Variants in CD48 observed in about 807,000 individuals in gnomAD.
CD48 encodes CD48 molecule.
Under a neutral mutation model 22.0 loss-of-function variants are expected in CD48, and 20 were observed. The ratio of observed to expected loss-of-function variants is 0.91; its 90% confidence interval spans 0.64 to 1.32. The LOEUF (loss-of-function observed/expected upper bound fraction) is 1.32, where lower values mean the gene tolerates loss of function less well. CD48 is among the 40% of genes most tolerant of loss of function. The probability of loss-of-function intolerance (pLI) is 0.00; values close to 1 mark genes in which losing one functional copy is unlikely to be tolerated. For missense variants in CD48, 307 were observed against 286.5 expected (o/e 1.07, Z -0.52); for synonymous variants, 110 against 110.1 (o/e 1.00, Z 0.01).
At chr1:160,702,836 C>T (rs35220245) in intron 1 of CD48, among the ~76,000 whole-genome samples, 2,299 of 152,278 alleles carry the variant, frequency 0.015, 28 homozygotes, top group South Asian at 0.035. Flanking sequence ...GGACAGAATG[C>T]ATGGCCATTT....
chr1:160,683,492 A>T (rs1007314942), intron 2 of CD48: 3 of 151,130 alleles, frequency 2.0e-5, no homozygotes, highest in Non-Finnish European at 4.4e-5. Context: ...AGAAATTACA[A>T]AGTTGGTAAA....
chr1:160,685,032 T>C lies in CD48; in HGVS notation c.240A>G (p.Lys80=). ...GATCAAGTCTGACCCTGCCTTTAAA[T>C]TTGGATTCAAAGTACTTAGATTTTC... is the stretch of plus-strand genomic sequence containing the variant. The part of the protein sequence containing the change: ...DSRKSKYFES[K]FKGRVRLDPQ... Residue 80 remains lysine (K), a synonymous_variant, in exon 2 of 4, where the codon AAA becomes AAG. Transcript: ENST00000368046. 2 of 1,614,228 alleles carry C rather than the reference T, an allele frequency of 1.2e-6. No homozygotes were observed. Among genetic ancestry groups the C allele is most frequent in the Non-Finnish European group, 1.7e-6 (2 of 1,180,040 alleles).
chr1:160,681,719 A>G (rs1352285155), intron 2 of CD48, among the ~76,000 whole-genome samples: 2 of 152,150 alleles, frequency 1.3e-5, no homozygotes, highest in African/African-American at 4.8e-5. Flanking sequence ...AGTCCATCAT[A>G]TGCTCTGGGA....
intron 1 of CD48, among the ~76,000 whole-genome samples, chr1:160,698,622 T>TA (rs1269644916): frequency 6.6e-6 from 1 of 152,128 alleles, no homozygotes; most frequent in African/African-American, 2.4e-5. Context: ...CTCATGACCT[T>TA]AGAACATCAT....
intron 1 of CD48, among the ~76,000 whole-genome samples, chr1:160,707,869 T>C (rs962230046): frequency 6.6e-6 from 1 of 152,188 alleles, no homozygotes; most frequent in Non-Finnish European, 1.5e-5. Flanking sequence ...AACTTCCTCA[T>C]GTATTCACTC....
chr1:160,692,113 AAT>A (rs1490272095), intron 1 of CD48: 2 of 154,006 alleles, frequency 1.3e-5, no homozygotes, highest in African/African-American at 4.8e-5. Context: ...TAGGAAGGGT[AAT>A]ATCATTCCAC....
At chr1:160,701,915 G>A (rs1268340784) in intron 1 of CD48, among the ~76,000 whole-genome samples, 1 of 152,166 alleles carries the variant, frequency 6.6e-6, no homozygotes, top group Non-Finnish European at 1.5e-5. Flanking sequence ...GTATGATGCA[G>A]GTGGGCCGTT....
chr1:160,691,349 A>G (rs946746985), intron 1 of CD48, among the ~76,000 whole-genome samples: 10 of 152,216 alleles, frequency 6.6e-5, no homozygotes, highest in Non-Finnish European at 1.0e-4. Context: ...ACCTACTGAG[A>G]TAGGGAGAAA....
chr1:160,687,936 A>G (rs1662061804), intron 1 of CD48, among the ~76,000 whole-genome samples: 1 of 152,160 alleles, frequency 6.6e-6, no homozygotes, highest in East Asian at 1.9e-4. Flanking sequence ...TATCTTCTCT[A>G]CCTAGAAGGT....
At chr1:160,689,637 G>C (rs1282431902) in intron 1 of CD48, among the ~76,000 whole-genome samples, 3 of 152,204 alleles carry the variant, frequency 2.0e-5, no homozygotes, top group Admixed American at 2.0e-4. Flanking sequence ...AGGGAGGATT[G>C]ATTTACACCT....
chr1:160,699,295 A>G (rs1018203525), intron 1 of CD48: 1 of 158,720 alleles, frequency 6.3e-6, no homozygotes, highest in Admixed American at 6.5e-5. Context: ...GCTCATTAAG[A>G]GTCATCACCA....
intron 1 of CD48, chr1:160,691,712 C>T (rs189429038): frequency 1.1e-4 from 34 of 319,312 alleles, no homozygotes; most frequent in East Asian, 1.0e-3. Context: ...TTGCACCTTA[C>T]GAGAAACACC....
rs776310868 is a variant in CD48 at position 160,684,912 on chromosome 1, T to C, written c.360A>G (p.Glu120=). The change falls in exon 2 of 4, where the codon GAA becomes GAG. Residue 120 remains glutamate, a synonymous_variant. Transcript: ENST00000368046. ...RVLKKTGNEQ[E]WKIKLQVLDP... The stretch of plus-strand genomic sequence containing the variant: ...CAAGCACTTGCAGCTTGATCTTCCA[T>C]TCTTGCTCATTCCCAGTCTTTTTCA... 50 of 1,614,040 alleles carry C rather than the reference T, an allele frequency of 3.1e-5. No homozygotes were observed. Among genetic ancestry groups the C allele is most frequent in the East Asian group, 4.5e-5 (2 of 44,890 alleles).
At chr1:160,707,684 G>A (rs944538362) in intron 1 of CD48, among the ~76,000 whole-genome samples, 3 of 152,142 alleles carry the variant, frequency 2.0e-5, no homozygotes, top group Non-Finnish European at 4.4e-5. Flanking sequence ...TTGAGGATAG[G>A]GTGAAAGTTT....
intron 2 of CD48, among the ~76,000 whole-genome samples, chr1:160,683,010 C>T (rs1661863517): frequency 6.6e-6 from 1 of 152,196 alleles, no homozygotes; most frequent in African/African-American, 2.4e-5. Context: ...GAAGCTCTAC[C>T]AATCTGGTCT....
intron 1 of CD48, among the ~76,000 whole-genome samples, chr1:160,704,089 T>G (rs1365544012): frequency 6.6e-6 from 1 of 152,184 alleles, no homozygotes; most frequent in East Asian, 1.9e-4. Flanking sequence ...AGAAGCAAGT[T>G]ATTAGAAGGT....
intron 1 of CD48, among the ~76,000 whole-genome samples, chr1:160,698,707 C>T (rs1376829379): frequency 6.6e-6 from 1 of 152,042 alleles, no homozygotes; most frequent in Non-Finnish European, 1.5e-5. Flanking sequence ...CTGAGCATCA[C>T]TGGGACATGG....
At chr1:160,695,779 C>A (rs1662397493) in intron 1 of CD48, among the ~76,000 whole-genome samples, 1 of 152,118 alleles carries the variant, frequency 6.6e-6, no homozygotes, top group Non-Finnish European at 1.5e-5. Context: ...CATCATTATT[C>A]AAAATACTGA....
At chr1:160,690,324 A>T (rs546595298) in intron 1 of CD48, among the ~76,000 whole-genome samples, 100 of 152,310 alleles carry the variant, frequency 6.6e-4, no homozygotes, top group Non-Finnish European at 1.1e-3. Context: ...ATCTACTGAG[A>T]CATGCACATA....
Sources: gnomAD v4.1 joint callset for allele counts (sites outside exome capture counted in the v4.1 genomes callset) on GRCh38, gnomAD v4.1.1 for gene constraint, MANE v1.5 for transcripts, NCBI Gene and HGNC (gene_info 2026-07-23, HGNC 2026-07-21) for gene names.